The following NAA38 variants were observed in gnomAD, a reference collection of about 807,000 sequenced individuals.
NAA38 encodes N-alpha-acetyltransferase 38, NatC auxiliary subunit.
A neutral mutation model predicts 12.6 loss-of-function variants in NAA38; 15 were observed. That is an observed-to-expected ratio of 1.19 (90% CI 0.79 to 1.83). The LOEUF (loss-of-function observed/expected upper bound fraction) is 1.83, where lower values mean the gene tolerates loss of function less well. Among genes scored for constraint, NAA38 ranks in the 40% most tolerant of loss-of-function variants. The pLI, the probability that NAA38 is intolerant of heterozygous loss-of-function variation, is 0.00. For synonymous variants in NAA38, 88 were observed against 69.9 expected, an observed-to-expected ratio of 1.26 and a Z score of -1.29; for missense variants, 183 against 171.7, an observed-to-expected ratio of 1.07 and a Z score of -0.37.
Position 7,869,361 on chromosome 17 carries a change from A to ATAAC in NAA38, c.-65-2807_-65-2804dup, listed in dbSNP as rs1381537173. Among the ~76,000 whole-genome samples the ATAAC allele has an allele frequency of 2.0e-5, 3 of 152,182 alleles. No homozygotes were observed. In the South Asian group the frequency reaches 6.2e-4, roughly 31 times the overall value. ...ACTCTTCCTCTAATGAAGTGAGTGG[A>ATAAC]TAACTTTATTATTGACTCTGGGATA... On this transcript the variant is annotated intron_variant, in intron 2 of 4. Coordinates refer to the NAA38 transcript ENST00000576861.
chr17:7,879,650 A>G (rs971981040), intron 2 of NAA38, among the ~76,000 whole-genome samples: 2 of 152,158 alleles, frequency 1.3e-5, no homozygotes, highest in African/African-American at 4.8e-5. Flanking sequence ...AAAACAAAAA[A>G]AATATTCTCC....
chr17:7,861,017 C>T (rs182347731), upstream of NAA38: 2 of 152,232 alleles, frequency 1.3e-5, no homozygotes, highest in Admixed American at 1.3e-4. Flanking sequence ...GGGAGCTCGA[C>T]AGGGGTAATG....
intron 3 of NAA38, chr17:7,865,111 G>A (rs780014010): frequency 1.1e-4 from 17 of 152,090 alleles, no homozygotes; most frequent in Admixed American, 5.9e-4. Context: ...ACAGAATCAC[G>A]AGAGCGATGG....
chr17:7,864,135 T>C (rs1966920832), intron 3 of NAA38: 3 of 152,186 alleles, frequency 2.0e-5, no homozygotes, highest in Admixed American at 2.0e-4. Flanking sequence ...GAACAGCCAC[T>C]TGATCATGGG....
chr17:7,884,891 G>A (rs1967500892), intron 1 of NAA38: 2 of 1,384,260 alleles, frequency 1.4e-6, no homozygotes, highest in Non-Finnish European at 1.9e-6. Flanking sequence ...AGAAGAGGGC[G>A]ACGAGGAGGA....
chr17:7,880,469 C>T (rs1760017232), intron 2 of NAA38, among the ~76,000 whole-genome samples: 1 of 152,144 alleles, frequency 6.6e-6, no homozygotes, highest in African/African-American at 2.4e-5. Flanking sequence ...TTGTCTCCTT[C>T]AAAGAGTTAT....
chr17:7,881,595 G>C (rs975206396), intron 2 of NAA38, among the ~76,000 whole-genome samples: 1 of 151,612 alleles, frequency 6.6e-6, no homozygotes, highest in Non-Finnish European at 1.5e-5. Context: ...GAAAAAGCTG[G>C]TAAGTATGAA....
upstream of NAA38, chr17:7,862,094 A>G (rs1227558469): frequency 3.3e-5 from 5 of 152,172 alleles, no homozygotes; most frequent in Admixed American, 3.3e-4. Context: ...AGACTTTCTG[A>G]TAAATCAGTT....
chr17:7,867,864 G>A (rs936645956), intron 2 of NAA38, among the ~76,000 whole-genome samples: 2 of 152,144 alleles, frequency 1.3e-5, no homozygotes, highest in African/African-American at 2.4e-5. Context: ...TTTGGGTAGG[G>A]GTCTAAGGCA....
At chr17:7,868,083 C>T (rs1014594313) in intron 2 of NAA38, among the ~76,000 whole-genome samples, 3 of 152,120 alleles carry the variant, frequency 2.0e-5, no homozygotes, top group Admixed American at 2.0e-4. Context: ...CAGCTCTGGG[C>T]TAGAGTTATA....
At chr17:7,873,760 T>C (rs1967126784) in intron 2 of NAA38, among the ~76,000 whole-genome samples, 2 of 152,108 alleles carry the variant, frequency 1.3e-5, no homozygotes, top group African/African-American at 2.4e-5. Flanking sequence ...GTTAAACATG[T>C]AGTTGAGTAT....
rs1278405606 is a variant in NAA38 at position 7,856,849 on chromosome 17, A to C, written c.266-6T>G. 6.2e-7 allele frequency: 1 copy of C among 1,613,322 alleles called. No individual in the cohort carries two copies. The highest frequency in any genetic ancestry group is 8.5e-7 in the Non-Finnish European group (1 of 1,179,886). On this transcript the variant is annotated splice_polypyrimidine_tract_variant and splice_region_variant and intron_variant, in intron 2 of 2. Coordinates refer to ENST00000575771, the MANE Select transcript of NAA38 (RefSeq NM_001320925.4). ...CTCCCCGGCAGAGAAGGAATCTGGA[A>C]AGAAGGATCAGAGCATCAGGAAAGT... is the stretch of plus-strand genomic sequence containing the variant.
At chr17:7,880,055 ATAAGG>A (rs1292278251) in intron 2 of NAA38, among the ~76,000 whole-genome samples, 1 of 152,200 alleles carries the variant, frequency 6.6e-6, no homozygotes, top group African/African-American at 2.4e-5. Context: ...GGAAGAAAAA[ATAAGG>A]TAAGAAGGAA....
upstream of NAA38, chr17:7,859,382 G>A (rs1271501423): frequency 5.0e-6 from 8 of 1,612,940 alleles, no homozygotes; most frequent in Admixed American, 5.0e-5. Flanking sequence ...TGTTCTCCAG[G>A]TGGGGGTTCT....
At chr17:7,858,611 CA>C, upstream of NAA38, 1 of 1,605,268 alleles carries the variant, frequency 6.2e-7, no homozygotes, top group Non-Finnish European at 8.5e-7. Flanking sequence ...TAAAGATCCG[CA>C]AGCACATAGA....
upstream of NAA38, chr17:7,861,102 G>C (rs1005940779): frequency 6.6e-6 from 1 of 152,152 alleles, no homozygotes; most frequent in Non-Finnish European, 1.5e-5. Context: ...GTAATGGCTA[G>C]ATTTGGTCTC....
At chr17:7,858,327 G>A (rs1346337224), upstream of NAA38, 1 of 1,613,778 alleles carries the variant, frequency 6.2e-7, no homozygotes, top group East Asian at 2.2e-5. Flanking sequence ...GGGCCGGAGT[G>A]TGTGTGTGTG....
At chr17:7,859,711 C>G, upstream of NAA38, 1 of 990,904 alleles carries the variant, frequency 1.0e-6, no homozygotes, top group Non-Finnish European at 1.6e-6. Flanking sequence ...TGCCTGGACC[C>G]AGATCTCCAC....
At chr17:7,858,909 C>A, upstream of NAA38, 1 of 1,259,318 alleles carries the variant, frequency 7.9e-7, no homozygotes, top group Non-Finnish European at 1.1e-6. Flanking sequence ...AACATTTTTT[C>A]CATAACCGGT....
Sources: allele counts gnomAD v4.1 joint callset (sites outside exome capture counted in the v4.1 genomes callset), GRCh38; gene constraint gnomAD v4.1.1; transcripts MANE v1.5; gene names NCBI Gene and HGNC (gene_info 2026-07-23, HGNC 2026-07-21).